CTNNA2: variants seen among roughly 807,000 people sequenced by gnomAD.
The protein encoded by CTNNA2 is catenin alpha 2, also known as catenin alpha-2.
A neutral mutation model predicts 101.0 loss-of-function variants in CTNNA2; 42 were observed. The observed-to-expected ratio is 0.42, with a 90% CI of 0.32 to 0.54. The LOEUF (loss-of-function observed/expected upper bound fraction) is 0.54. Ranked by LOEUF, CTNNA2 falls within the 20% of genes least tolerant of loss-of-function variation. CTNNA2 has a pLI of 0.14. For missense variants in CTNNA2, 871 were observed against 1,223.1 expected, an observed-to-expected ratio of 0.71 and a Z score of 4.29; for synonymous variants, 450 against 456.4, an observed-to-expected ratio of 0.99 and a Z score of 0.18.
chr2:80,191,243 C>T (rs1706481528), intron 7 of CTNNA2, among the ~76,000 whole-genome samples: 1 of 152,120 alleles, frequency 6.6e-6, no homozygotes, highest in South Asian at 2.1e-4. Flanking sequence ...AGATATGAAA[C>T]TAGCTTAGGG....
At chr2:79,964,857 C>A (rs1391887607) in intron 7 of CTNNA2, among the ~76,000 whole-genome samples, 1 of 152,138 alleles carries the variant, frequency 6.6e-6, no homozygotes, top group Non-Finnish European at 1.5e-5. Context: ...ACATGATAAC[C>A]CAGGGATCCC....
At chr2:79,260,605 AC>A (rs1250736437) in intron 2 of CTNNA2, among the ~76,000 whole-genome samples, 1 of 152,194 alleles carries the variant, frequency 6.6e-6, no homozygotes, top group Non-Finnish European at 1.5e-5. Context: ...TTTTAACTGA[AC>A]ATTACATTCG....
At chr2:80,600,643 C>T (rs558272831) in intron 15 of CTNNA2, among the ~76,000 whole-genome samples, 29 of 152,078 alleles carry the variant, frequency 1.9e-4, no homozygotes, top group Non-Finnish European at 3.5e-4. Flanking sequence ...TTTTTAATAA[C>T]CATCAGCTTG....
At chr2:79,986,235 G>A (rs1691749656) in intron 7 of CTNNA2, among the ~76,000 whole-genome samples, 1 of 152,150 alleles carries the variant, frequency 6.6e-6, no homozygotes, top group South Asian at 2.1e-4. Context: ...GCTGAATAGT[G>A]GAATGATTGC....
At chr2:79,714,917 G>A (rs923242439) in intron 2 of CTNNA2, among the ~76,000 whole-genome samples, 27 of 151,698 alleles carry the variant, frequency 1.8e-4, no homozygotes, top group East Asian at 5.8e-4. Context: ...AAGGACGAGC[G>A]CGGTAGCTCA....
At chr2:79,580,066 G>C (rs1363957383) in intron 1 of CTNNA2, among the ~76,000 whole-genome samples, 2 of 152,278 alleles carry the variant, frequency 1.3e-5, no homozygotes, top group East Asian at 3.9e-4. Flanking sequence ...GTCTGAGCTG[G>C]TCCTATGGTC....
At chr2:79,874,049 G>T in intron 5 of CTNNA2, 27 bp from the exon 6 acceptor site, 1 of 1,610,244 alleles carries the variant, frequency 6.2e-7, no homozygotes. Context: ...TCATGTGTGT[G>T]ACAGCTTTCA....
intron 4 of CTNNA2, among the ~76,000 whole-genome samples, chr2:79,451,604 GAGCATTACTGGGAGAACC>G (rs1197105382): frequency 2.6e-5 from 4 of 151,898 alleles, no homozygotes; most frequent in Non-Finnish European, 5.9e-5. Flanking sequence ...CAGAAATCTA[GAGCATTACTGGGAGAACC>G]AGCATTCCTG....
chr2:80,638,608 G>C (rs886558829), intron 18 of CTNNA2, among the ~76,000 whole-genome samples: 2 of 152,096 alleles, frequency 1.3e-5, no homozygotes, highest in African/African-American at 4.8e-5. Context: ...AGAATGCCTT[G>C]TTTCGGGTTG....
intron 7 of CTNNA2, among the ~76,000 whole-genome samples, chr2:80,109,870 T>G (rs1205976321): frequency 6.6e-6 from 1 of 152,198 alleles, no homozygotes; most frequent in Non-Finnish European, 1.5e-5. Context: ...CTCGTCATCT[T>G]AAAATCTAAC....
intron 9 of CTNNA2, among the ~76,000 whole-genome samples, chr2:80,473,375 T>A (rs1382120609): frequency 6.6e-6 from 1 of 152,190 alleles, no homozygotes; most frequent in Non-Finnish European, 1.5e-5. Context: ...AACAAAACTA[T>A]CATGAAGGGC....
intron 9 of CTNNA2, among the ~76,000 whole-genome samples, chr2:80,529,334 A>G (rs547248507): frequency 2.8e-4 from 42 of 152,356 alleles, no homozygotes; most frequent in African/African-American, 9.4e-4. Context: ...GCCCATAGAC[A>G]TAGATTGTTA....
chr2:80,147,389 AATCAC>A (rs1703416912), intron 7 of CTNNA2, among the ~76,000 whole-genome samples: 1 of 152,142 alleles, frequency 6.6e-6, no homozygotes, highest in Non-Finnish European at 1.5e-5. Context: ...CCTTCTTTTG[AATCAC>A]AGGGATGTTA....
chr2:80,311,176 T>TA (rs1166919870), intron 7 of CTNNA2, among the ~76,000 whole-genome samples: 1 of 152,164 alleles, frequency 6.6e-6, no homozygotes, highest in Non-Finnish European at 1.5e-5. Context: ...AATATCCTTA[T>TA]ACCTTTGAAT....
At chr2:80,561,706 A>G (rs112680736) in intron 12 of CTNNA2, among the ~76,000 whole-genome samples, 2,920 of 152,224 alleles carry the variant, frequency 0.019, 101 homozygotes, top group African/African-American at 0.067. Flanking sequence ...CTTGTTGCCC[A>G]GGCTGGAGTG....
At chr2:79,460,379 C>G (rs11688586) in intron 4 of CTNNA2, among the ~76,000 whole-genome samples, 4 of 152,162 alleles carry the variant, frequency 2.6e-5, no homozygotes, top group African/African-American at 7.2e-5. Flanking sequence ...TTTTGAATAT[C>G]CCTTTTGGTT....
intron 3 of CTNNA2, among the ~76,000 whole-genome samples, chr2:79,338,575 A>ATCTTCTTTTTCC (rs1239699778): frequency 0.032 from 3,659 of 115,462 alleles, 106 homozygotes; most frequent in East Asian, 0.061. Context: ...CTTCCTCCTC[A>ATCTTCTTTTTCC]TCATCTTCTT....
intron 9 of CTNNA2, among the ~76,000 whole-genome samples, chr2:80,540,290 G>T (rs1379532383): frequency 1.3e-5 from 2 of 152,072 alleles, no homozygotes; most frequent in African/African-American, 4.8e-5. Flanking sequence ...TAAAGAACAG[G>T]TTGTTGAAAT....
At chr2:79,251,675 G>A (rs890092379) in intron 2 of CTNNA2, among the ~76,000 whole-genome samples, 23 of 152,072 alleles carry the variant, frequency 1.5e-4, no homozygotes, top group Non-Finnish European at 2.9e-5. Context: ...AAGACCTGAG[G>A]TCTGCCTATA....
Sources: allele counts gnomAD v4.1 joint callset (sites outside exome capture counted in the v4.1 genomes callset), GRCh38; gene constraint gnomAD v4.1.1; transcripts MANE v1.5; gene names NCBI Gene and HGNC (gene_info 2026-07-23, HGNC 2026-07-21).